SLC9B1: variants seen among roughly 807,000 people sequenced by gnomAD.
SLC9B1 encodes sodium/hydrogen exchanger 9B1.
A neutral mutation model predicts 51.7 loss-of-function variants in SLC9B1; 32 were observed. That is an observed-to-expected ratio of 0.62 (90% confidence interval 0.47 to 0.83). SLC9B1 has a LOEUF of 0.83. Among genes scored for constraint, SLC9B1 ranks in the 40% least tolerant of loss-of-function variants. The probability of loss-of-function intolerance (pLI) is 0.00; values close to 1 mark genes in which losing one functional copy is unlikely to be tolerated. For missense variants in SLC9B1, 406 were observed against 613.2 expected, an observed-to-expected ratio of 0.66 and a Z score of 3.57; for synonymous variants, 145 against 212.7, an observed-to-expected ratio of 0.68 and a Z score of 2.77.
chr4:102,962,060 C>A, intron 3 of SLC9B1: 1 of 336,162 alleles, frequency 3.0e-6, no homozygotes, highest in South Asian at 2.5e-5. Flanking sequence ...CCCCTGGCAT[C>A]CAGCCCACAC....
chr4:103,006,788 A>G (rs1740810810), intron 1 of SLC9B1, among the ~76,000 whole-genome samples: 1 of 152,232 alleles, frequency 6.6e-6, no homozygotes, highest in Admixed American at 6.5e-5. Context: ...CTAATCCATC[A>G]CGATCAAGTA....
At chr4:102,902,118 C>T (rs978548761) in intron 11 of SLC9B1, among the ~76,000 whole-genome samples, 4 of 151,972 alleles carry the variant, frequency 2.6e-5, no homozygotes, top group Non-Finnish European at 4.4e-5. Flanking sequence ...AGTTTTTTTC[C>T]CTAGTCACCT....
chr4:102,930,283 A>T (rs1158974896), intron 7 of SLC9B1, among the ~76,000 whole-genome samples: 1 of 152,212 alleles, frequency 6.6e-6, no homozygotes, highest in Admixed American at 6.5e-5. Context: ...GTAGGACATG[A>T]TATTGTGGCA....
intron 7 of SLC9B1, among the ~76,000 whole-genome samples, chr4:102,927,676 G>T (rs1355482100): frequency 1.3e-5 from 2 of 152,080 alleles, no homozygotes; most frequent in Non-Finnish European, 2.9e-5. Context: ...GCGATTCCTC[G>T]AGGATATAGA....
chr4:103,016,671 G>T (rs1050218085), intron 1 of SLC9B1: 1 of 147,528 alleles, frequency 6.8e-6, no homozygotes, highest in Non-Finnish European at 1.5e-5. Context: ...GGTCAGGCTG[G>T]TCTGGAACTC....
At chr4:102,939,817 T>C (rs1033621271) in intron 6 of SLC9B1, among the ~76,000 whole-genome samples, 8 of 151,946 alleles carry the variant, frequency 5.3e-5, no homozygotes, top group South Asian at 4.1e-4. Context: ...CTTCATGATA[T>C]AGACCCTCAA....
intron 5 of SLC9B1, among the ~76,000 whole-genome samples, chr4:102,946,396 C>T (rs200814595): frequency 2.0e-5 from 3 of 152,058 alleles, no homozygotes; most frequent in Non-Finnish European, 4.4e-5. Context: ...CTGCAACCTC[C>T]GTCTCTCAGG....
At chr4:102,945,158 A>G in intron 6 of SLC9B1, 35 bp downstream of exon 6, 1 of 1,530,096 alleles carries the variant, frequency 6.5e-7, no homozygotes. Flanking sequence ...TCCTTAATTG[A>G]ATATTTTCAT....
At chr4:102,930,568 C>T (rs1367761139) in intron 7 of SLC9B1, among the ~76,000 whole-genome samples, 1 of 152,086 alleles carries the variant, frequency 6.6e-6, no homozygotes, top group Non-Finnish European at 1.5e-5. Context: ...CCATGCCTGG[C>T]TAAGTTTTGT....
rs773756747 is a variant in SLC9B1 at position 102,911,446 on chromosome 4, A to C, written c.921T>G (p.Phe307Leu). Reference sequence around the variant, plus strand: ...TTGTATTTACCTGGTCTTCACTTGGAAAATATCGAACAAAAAATCCCAAAA... The same window carrying C: ...TTGTATTTACCTGGTCTTCACTTGGCAAATATCGAACAAAAAATCCCAAAA... ...GIVLGFFVRYFPSEDQKKLTL... is the reference protein window; with the variant it reads ...GIVLGFFVRYLPSEDQKKLTL... Residue 307 changes from phenylalanine (F) to leucine (L), a missense_variant, in exon 8 of 12, where the codon TTT (phenylalanine) becomes TTG (leucine). Transcript: ENST00000296422. 1 of 1,594,778 alleles carries C rather than the reference A, an allele frequency of 6.3e-7. No homozygotes were observed. The highest frequency in any genetic ancestry group is 8.5e-7 in the Non-Finnish European group (1 of 1,177,502).
At chr4:102,977,754 C>G (rs1578396444) in intron 3 of SLC9B1, among the ~76,000 whole-genome samples, 1 of 152,206 alleles carries the variant, frequency 6.6e-6, no homozygotes. Flanking sequence ...TATGGGACAG[C>G]TAGAGTTTTA....
intron 11 of SLC9B1, chr4:102,891,573 T>C (rs1734251195): frequency 6.6e-6 from 1 of 152,244 alleles, no homozygotes; most frequent in South Asian, 2.1e-4. Context: ...AATTTCCCCT[T>C]AGCTATTTAG....
At chr4:102,932,385 T>A in intron 6 of SLC9B1, 86 bp from the exon 7 acceptor site, 1 of 1,171,760 alleles carries the variant, frequency 8.5e-7, no homozygotes, top group Non-Finnish European at 1.2e-6. Context: ...AATAACTTTA[T>A]AACAAACATT....
intron 3 of SLC9B1, among the ~76,000 whole-genome samples, chr4:102,981,277 T>C (rs1046895769): frequency 1.3e-5 from 2 of 152,188 alleles, no homozygotes; most frequent in African/African-American, 4.8e-5. Flanking sequence ...CTTCTGAATT[T>C]TGATAATTAT....
chr4:103,001,675 G>C (rs1161647572), intron 1 of SLC9B1, among the ~76,000 whole-genome samples: 1 of 152,198 alleles, frequency 6.6e-6, no homozygotes, highest in East Asian at 1.9e-4. Context: ...TCTCCAGGAA[G>C]TTCCAAACTT....
chr4:102,975,023 G>A (rs1738978718), intron 3 of SLC9B1, among the ~76,000 whole-genome samples: 1 of 152,094 alleles, frequency 6.6e-6, no homozygotes, highest in Non-Finnish European at 1.5e-5. Context: ...TTTTTAAAGA[G>A]ACAGGGTCTT....
exon 12 of SLC9B1, chr4:102,885,117 TA>T: frequency 1.0e-6 from 1 of 998,388 alleles, no homozygotes. Context: ...GGAATTAATG[TA>T]AAAAGTAACA....
chr4:102,885,999 G>C (rs1459951889), intron 11 of SLC9B1, among the ~76,000 whole-genome samples: 1 of 152,114 alleles, frequency 6.6e-6, no homozygotes, highest in African/African-American at 2.4e-5. Context: ...TCTGTTTCTT[G>C]TACTTGATCA....
At chr4:102,981,283 A>G (rs1197608551) in intron 3 of SLC9B1, among the ~76,000 whole-genome samples, 1 of 152,108 alleles carries the variant, frequency 6.6e-6, no homozygotes, top group Non-Finnish European at 1.5e-5. Context: ...AATTTTGATA[A>G]TTATCAATAA....
Sources: allele counts gnomAD v4.1 joint callset (sites outside exome capture counted in the v4.1 genomes callset), GRCh38; gene constraint gnomAD v4.1.1; transcripts MANE v1.5; gene names NCBI Gene and HGNC (gene_info 2026-07-23, HGNC 2026-07-21).